The following PRPH2 variants were observed in gnomAD, a reference collection of about 807,000 sequenced individuals.
The protein encoded by PRPH2 is peripherin-2.
PRPH2 carries 17 observed loss-of-function variants against 31.3 expected under a neutral mutation model. That is an observed-to-expected ratio of 0.54 (90% CI 0.37 to 0.81). The LOEUF (loss-of-function observed/expected upper bound fraction) is 0.81, where lower values mean the gene tolerates loss of function less well. Among genes scored for constraint, PRPH2 ranks in the 40% least tolerant of loss-of-function variants. PRPH2 has a pLI of 0.00. For synonymous variants in PRPH2, 165 were observed against 184.4 expected (o/e 0.89, Z 0.85); for missense variants, 430 against 439.7 (o/e 0.98, Z 0.20).
intron 1 of PRPH2, among the ~76,000 whole-genome samples, chr6:42,720,043 C>T (rs538773701): frequency 1.1e-4 from 16 of 152,056 alleles, no homozygotes; most frequent in African/African-American, 2.7e-4. Context: ...ATTTTTTGTG[C>T]GTGTAATAGA....
At chr6:42,709,360 G>A (rs1187697338) in intron 1 of PRPH2, among the ~76,000 whole-genome samples, 2 of 99,546 alleles carry the variant, frequency 2.0e-5, no homozygotes, top group African/African-American at 4.6e-5. Flanking sequence ...AAAAAACTTG[G>A]GTCCAGCCCA....
chr6:42,713,850 G>A (rs1036277868), intron 1 of PRPH2, among the ~76,000 whole-genome samples: 1 of 149,352 alleles, frequency 6.7e-6, no homozygotes, highest in Admixed American at 6.7e-5. Flanking sequence ...AACCCGGGAG[G>A]CGAAGGTTGC....
In PRPH2 at chr6:42,704,368, G is replaced by T. The variant is rs201249148; in HGVS notation, c.825C>A (p.Phe275Leu). 6.2e-7 allele frequency: 1 copy of T among 1,608,126 alleles called. No individual in the cohort carries two copies. Among genetic ancestry groups the T allele is most frequent in the African/African-American group, 1.3e-5 (1 of 74,880 alleles). Reference protein sequence around the residue: ...MGVVTLLIWLFEVTITIGLRY... With the variant: ...MGVVTLLIWLLEVTITIGLRY... ...CCCCAGCTGGCCCAGGGCCTACCTC[G>T]AAGAGCCAAATGAGGAGCGTGACGA... is the stretch of plus-strand genomic sequence containing the variant. Residue 275 changes from phenylalanine to leucine, a missense_variant, in exon 2 of 3, where the codon TTC becomes TTA. Phe to Leu is a conservative substitution (Grantham distance 22, BLOSUM62 0). Transcript: ENST00000230381.
chr6:42,697,197 ACTC>A lies in PRPH2; in HGVS notation c.*1095_*1097del, dbSNP rs1799957926. 1 of 151,898 alleles carries A rather than the reference ACTC, an allele frequency of 6.6e-6. No individual in the cohort carries two copies. The highest frequency in any genetic ancestry group is 1.5e-5 in the Non-Finnish European group (1 of 67,978). The allele number at this position is 151,898 out of a possible 1,614,324, so 9.4% of individuals were successfully genotyped here. Reference sequence around the variant, plus strand: ...CTTCTCTTTCCTAAAGAAAGTGAAAACTCCTGTATTTGCTAGCTCAGGAAGATG... The same window carrying A: ...CTTCTCTTTCCTAAAGAAAGTGAAAACTGTATTTGCTAGCTCAGGAAGATG... On this transcript the variant is annotated 3_prime_UTR_variant, in exon 3 of 3. Transcript: ENST00000230381.
intron 1 of PRPH2, among the ~76,000 whole-genome samples, chr6:42,709,061 T>G (rs1800225733): frequency 6.6e-6 from 1 of 152,102 alleles, no homozygotes. Context: ...CCGGGCGCGG[T>G]GGCTCACGCC....
chr6:42,700,624 A>G (rs1800028198), intron 2 of PRPH2, among the ~76,000 whole-genome samples: 1 of 152,194 alleles, frequency 6.6e-6, no homozygotes, highest in Non-Finnish European at 1.5e-5. Context: ...TCCTCCATGA[A>G]GTCCTCTTGA....
At chr6:42,701,489 G>T (rs951910742) in intron 2 of PRPH2, among the ~76,000 whole-genome samples, 1 of 151,228 alleles carries the variant, frequency 6.6e-6, no homozygotes, top group Non-Finnish European at 1.5e-5. Flanking sequence ...AAACTCCTGG[G>T]CTCAATTGAT....
rs1400745189 is a variant in PRPH2, at chr6:42,721,984, G to C, written c.351C>G (p.Leu117=). 6.2e-7 allele frequency: 1 copy of C among 1,614,162 alleles called. No homozygotes were observed. The highest frequency in any genetic ancestry group is 1.3e-5 in the African/African-American group (1 of 75,040). ...GCGAGCCCCGAAGCAGAAAGCAGCA[G>C]AGAGCCACAAGGAAGAGGATGATGT... is the stretch of plus-strand genomic sequence containing the variant. The part of the protein sequence containing the change: ...LFNIILFLVA[L]CCFLLRGSLE... The change falls in exon 1 of 3, where the codon CTC becomes CTG. Residue 117 remains leucine (L), a synonymous_variant. Coordinates refer to ENST00000230381, the MANE Select transcript of PRPH2 (RefSeq NM_000322.5).
intron 1 of PRPH2, among the ~76,000 whole-genome samples, chr6:42,717,761 G>T (rs1280107728): frequency 2.0e-5 from 3 of 152,004 alleles, no homozygotes; most frequent in Non-Finnish European, 4.4e-5. Context: ...ACAGATAAGG[G>T]CTGTGCTCTG....
intron 2 of PRPH2, among the ~76,000 whole-genome samples, chr6:42,700,143 T>C (rs945053477): frequency 1.2e-4 from 19 of 152,278 alleles, no homozygotes; most frequent in African/African-American, 4.1e-4. Flanking sequence ...TTTTTATATT[T>C]TTTGTAGAGA....
chr6:42,719,341 A>C (rs540334129), intron 1 of PRPH2, among the ~76,000 whole-genome samples: 2 of 150,578 alleles, frequency 1.3e-5, no homozygotes, highest in Non-Finnish European at 3.0e-5. Flanking sequence ...CACCCAGCTA[A>C]TTTTCTGTAT....
At chr6:42,715,318 C>G (rs1479289754) in intron 1 of PRPH2, among the ~76,000 whole-genome samples, 1 of 152,082 alleles carries the variant, frequency 6.6e-6, no homozygotes, top group Non-Finnish European at 1.5e-5. Flanking sequence ...AATGACTTGG[C>G]AACACGGTCA....
chr6:42,701,123 C>A (rs1448519276), intron 2 of PRPH2, among the ~76,000 whole-genome samples: 5 of 151,496 alleles, frequency 3.3e-5, no homozygotes, highest in Non-Finnish European at 7.4e-5. Flanking sequence ...TACATGTGTG[C>A]ACCACCACAC....
chr6:42,721,342 G>A (rs1408783104), intron 1 of PRPH2, among the ~76,000 whole-genome samples: 2 of 152,166 alleles, frequency 1.3e-5, no homozygotes, highest in African/African-American at 2.4e-5. Flanking sequence ...AAACTTCTGG[G>A]ACTGAATCCA....
chr6:42,701,535 C>T (rs1800044567), intron 2 of PRPH2, among the ~76,000 whole-genome samples: 1 of 151,732 alleles, frequency 6.6e-6, no homozygotes, highest in African/African-American at 2.4e-5. Flanking sequence ...TAGCTAATGC[C>T]TGCTAGGATT....
chr6:42,698,329 C>T lies in PRPH2; in HGVS notation c.1007G>A (p.Gly336Asp). ...LGKGNQVEAE[G>D]ADAGQAPEAG ...CTCTGGGGCCTGGCCTGCGTCTGCGCCCTCGGCTTCCACCTGGTTGCCCTT... is the reference window on the plus strand; with the variant it reads ...CTCTGGGGCCTGGCCTGCGTCTGCGTCCTCGGCTTCCACCTGGTTGCCCTT... Residue 336 changes from glycine to aspartate, a missense_variant, in exon 3 of 3, where the codon GGC (glycine) becomes GAC (aspartate). By Grantham distance (94) the Gly-to-Asp change is moderately conservative (BLOSUM62 -1). Transcript: ENST00000230381. 2 of 1,614,112 alleles carry T rather than the reference C, an allele frequency of 1.2e-6. No homozygotes were observed. Among genetic ancestry groups the T allele is most frequent in the East Asian group, 2.2e-5 (1 of 44,870 alleles).
At chr6:42,721,394 A>G (rs931589137) in intron 1 of PRPH2, among the ~76,000 whole-genome samples, 2 of 152,316 alleles carry the variant, frequency 1.3e-5, no homozygotes, top group African/African-American at 4.8e-5. Context: ...ATAGTACCTC[A>G]GTGTTTGTGA....
chr6:42,714,859 G>A (rs977900251), intron 1 of PRPH2, among the ~76,000 whole-genome samples: 1 of 152,040 alleles, frequency 6.6e-6, no homozygotes, highest in African/African-American at 2.4e-5. Flanking sequence ...TTCCTATTGT[G>A]TGATCTTAGA....
rs1799984732 is a variant in PRPH2, at chr6:42,698,329, C to A, written c.1007G>T (p.Gly336Val). 6.2e-7 allele frequency: 1 copy of A among 1,614,112 alleles called. No homozygotes were observed. Among genetic ancestry groups the A allele is most frequent in the Non-Finnish European group, 8.5e-7 (1 of 1,180,002 alleles). ...LGKGNQVEAE[G>V]ADAGQAPEAG ...CTCTGGGGCCTGGCCTGCGTCTGCG[C>A]CCTCGGCTTCCACCTGGTTGCCCTT... The change falls in exon 3 of 3, where the codon GGC (glycine) becomes GTC (valine). Residue 336 changes from glycine (G) to valine (V), a missense_variant. Physicochemically the swap from Gly to Val is moderately radical, Grantham distance 109. Coordinates refer to ENST00000230381, the MANE Select transcript of PRPH2 (RefSeq NM_000322.5).
Sources: allele counts gnomAD v4.1 joint callset (sites outside exome capture counted in the v4.1 genomes callset), GRCh38; gene constraint gnomAD v4.1.1; transcripts MANE v1.5; gene names NCBI Gene and HGNC (gene_info 2026-07-23, HGNC 2026-07-21).